VAV1: variants seen among roughly 807,000 people sequenced by gnomAD.
VAV1 encodes vav guanine nucleotide exchange factor 1.
Under a neutral mutation model 128.1 loss-of-function variants are expected in VAV1, and 33 were observed. The ratio of observed to expected loss-of-function variants is 0.26; its 90% confidence interval spans 0.20 to 0.34. VAV1 has a LOEUF of 0.34. Ranked by LOEUF, VAV1 falls within the 10% of genes least tolerant of loss-of-function variation. The pLI is 1.00. For synonymous variants in VAV1, 394 were observed against 409.8 expected (o/e 0.96, Z 0.47); for missense variants, 715 against 1,093.7 (o/e 0.65, Z 4.88).
At chr19:6,818,894 T>C (rs1484978276) in intron 1 of VAV1, among the ~76,000 whole-genome samples, 1 of 152,064 alleles carries the variant, frequency 6.6e-6, no homozygotes, top group Non-Finnish European at 1.5e-5. Flanking sequence ...GGCGGGTGGA[T>C]CACCTGAGGT....
At position 6,825,082 on chromosome 19, in the gene VAV1, G is replaced by A. The variant is rs776758044; in HGVS notation, c.684G>A (p.Leu228=). The A allele has an allele frequency of 2.5e-6, 4 of 1,613,404 alleles. No homozygotes were observed. The South Asian group carries it at 4.4e-5, about 18-fold the overall frequency. Residue 228 remains leucine (L), a synonymous_variant, in exon 7 of 27, where the codon CTG becomes CTA. Transcript: ENST00000602142. ...QHFLKPLQRF[L]KPQDIEIIFI... ...TCTTGAAGCCCCTGCAACGGTTCCT[G>A]AAACCTCAAGACATTGAGATCATCT...
In VAV1 at chr19:6,825,048, C is replaced by G. The variant is rs370736596; in HGVS notation, c.655-5C>G. ...TTCCGTCATCTTTCTCTCCCTTCCCCGCAGCATTTCTTGAAGCCCCTGCAA... is the reference window on the plus strand; with the variant it reads ...TTCCGTCATCTTTCTCTCCCTTCCCGGCAGCATTTCTTGAAGCCCCTGCAA... On this transcript the variant is annotated splice_region_variant and splice_polypyrimidine_tract_variant and intron_variant, in intron 6 of 26. Coordinates refer to ENST00000602142, the MANE Select transcript of VAV1 (RefSeq NM_005428.4). 11 of 1,613,932 alleles carry G rather than the reference C, an allele frequency of 6.8e-6. No individual in the cohort carries two copies. The highest frequency in any genetic ancestry group is 9.3e-6 in the Non-Finnish European group (11 of 1,179,998).
chr19:6,803,619 C>T (rs1303712979), intron 1 of VAV1, among the ~76,000 whole-genome samples: 2 of 152,122 alleles, frequency 1.3e-5, no homozygotes, highest in Admixed American at 6.6e-5. Context: ...GGCTAGAGTG[C>T]AATGGTGTGG....
At chr19:6,847,164 G>T (rs1035307397) in intron 22 of VAV1, among the ~76,000 whole-genome samples, 1 of 151,928 alleles carries the variant, frequency 6.6e-6, no homozygotes, top group Admixed American at 6.6e-5. Context: ...CGCCCACCTC[G>T]GCCTCCCAAA....
chr19:6,795,604 T>C (rs1278530813), intron 1 of VAV1, among the ~76,000 whole-genome samples: 1 of 152,188 alleles, frequency 6.6e-6, no homozygotes, highest in Non-Finnish European at 1.5e-5. Flanking sequence ...CGGTTTACTA[T>C]GTCCTGGCAC....
intron 22 of VAV1, among the ~76,000 whole-genome samples, chr19:6,844,198 C>G (rs1378047575): frequency 6.9e-6 from 1 of 144,706 alleles, no homozygotes; most frequent in Non-Finnish European, 1.5e-5. Context: ...CTCAGTGCCT[C>G]AGTTTATCAT....
chr19:6,830,172 G>A (rs1205806691), intron 14 of VAV1, among the ~76,000 whole-genome samples: 1 of 151,864 alleles, frequency 6.6e-6, no homozygotes, highest in African/African-American at 2.4e-5. Flanking sequence ...GATTCTCCTG[G>A]CTCAGTCTCC....
At chr19:6,787,332 T>A (rs1970915970) in intron 1 of VAV1, among the ~76,000 whole-genome samples, 1 of 152,012 alleles carries the variant, frequency 6.6e-6, no homozygotes, top group African/African-American at 2.4e-5. Flanking sequence ...CACACCACAA[T>A]GCCAGGCTAA....
At chr19:6,836,297 A>G in intron 19 of VAV1, 135 bp from the exon 20 acceptor site, 1 of 1,167,992 alleles carries the variant, frequency 8.6e-7, no homozygotes, top group Non-Finnish European at 1.2e-6. Context: ...TGAAAATTCC[A>G]GTTTCTCCAC....
At chr19:6,782,357 A>T (rs1180606642) in intron 1 of VAV1, among the ~76,000 whole-genome samples, 4 of 151,674 alleles carry the variant, frequency 2.6e-5, no homozygotes, top group African/African-American at 9.7e-5. Flanking sequence ...AATAAATAAA[A>T]ATAAAAATAA....
chr19:6,788,152 T>C (rs1970937276), intron 1 of VAV1, among the ~76,000 whole-genome samples: 1 of 151,988 alleles, frequency 6.6e-6, no homozygotes, highest in Non-Finnish European at 1.5e-5. Context: ...CAGGCTGATA[T>C]GGAACTTCTG....
chr19:6,820,845 A>T lies in VAV1; in HGVS notation c.321+27A>T, dbSNP rs780542764. On this transcript the variant is annotated intron_variant, in intron 2 of 26. Coordinates refer to ENST00000602142, the MANE Select transcript of VAV1 (RefSeq NM_005428.4). This position sits in a 1 kb window ranked among gnomAD's most constrained non-coding sequence, Gnocchi z 4.4. ...TGAGCTGCACACTTGAAGCCCAAAGACTGAGTTTCAGTTAATTTCTATTGA... is the reference window on the plus strand; with the variant it reads ...TGAGCTGCACACTTGAAGCCCAAAGTCTGAGTTTCAGTTAATTTCTATTGA... The T allele has an allele frequency of 4.9e-5, 79 of 1,597,562 alleles. No homozygotes were observed. The highest frequency in any genetic ancestry group is 6.6e-5 in the Non-Finnish European group (77 of 1,165,092).
chr19:6,832,035 G>A, intron 14 of VAV1, 56 bp from the exon 15 acceptor site: 1 of 1,510,264 alleles, frequency 6.6e-7, no homozygotes, highest in Non-Finnish European at 9.2e-7. Context: ...GGGTGGGTGT[G>A]TGCTCCCACC....
At chr19:6,830,491 A>G (rs775931605) in intron 14 of VAV1, among the ~76,000 whole-genome samples, 4 of 150,116 alleles carry the variant, frequency 2.7e-5, no homozygotes, top group East Asian at 2.0e-4. Flanking sequence ...TCAGGCTGGA[A>G]TGCAGTGGCA....
intron 1 of VAV1, among the ~76,000 whole-genome samples, chr19:6,790,974 C>T (rs944688664): frequency 6.6e-6 from 1 of 152,140 alleles, no homozygotes; most frequent in African/African-American, 2.4e-5. Context: ...CAATCTGGTC[C>T]AGTGTCTGAG....
Position 6,778,000 on chromosome 19 carries a change from G to A in VAV1, c.204+4989G>A, listed in dbSNP as rs372054581. ...TGCCCAGGCTGGAGTACAGTGGCAT[G>A]ATCTTGGCTCACTGCAACCTCCTCC... On this transcript the variant is annotated intron_variant, in intron 1 of 26. Coordinates refer to ENST00000602142, the MANE Select transcript of VAV1 (RefSeq NM_005428.4). The surrounding 1 kb of genome is among the most constrained non-coding windows in gnomAD (Gnocchi z 4.4). Among the ~76,000 whole-genome samples, 1 of 152,000 alleles carries A rather than the reference G, an allele frequency of 6.6e-6. No homozygotes were observed. The highest frequency in any genetic ancestry group is 2.4e-5 in the African/African-American group (1 of 41,394).
At chr19:6,798,663 C>CA (rs998355457) in intron 1 of VAV1, among the ~76,000 whole-genome samples, 1 of 151,216 alleles carries the variant, frequency 6.6e-6, no homozygotes, top group African/African-American at 2.4e-5. Flanking sequence ...TCCCCTTCCC[C>CA]CCCCCACCCA....
intron 1 of VAV1, among the ~76,000 whole-genome samples, chr19:6,818,681 T>C (rs1435940225): frequency 6.6e-6 from 1 of 152,150 alleles, no homozygotes; most frequent in Admixed American, 6.5e-5. Flanking sequence ...GTGTGGGCCC[T>C]AATGCACTGT....
At chr19:6,856,278 C>A (rs1972798911) in intron 26 of VAV1, among the ~76,000 whole-genome samples, 1 of 150,188 alleles carries the variant, frequency 6.7e-6, no homozygotes, top group Non-Finnish European at 1.5e-5. Context: ...GCCTGGGCAA[C>A]AGAGTAAGAC....
Sources: gnomAD v4.1 joint callset for allele counts (sites outside exome capture counted in the v4.1 genomes callset) on GRCh38, gnomAD v4.1.1 for gene constraint, Gnocchi (gnomAD v3.1) non-coding constraint, MANE v1.5 for transcripts, NCBI Gene and HGNC (gene_info 2026-07-23, HGNC 2026-07-21) for gene names.